CAPN2: variants seen among roughly 807,000 people sequenced by gnomAD.
CAPN2 encodes calpain-2 catalytic subunit.
A neutral mutation model predicts 102.3 loss-of-function variants in CAPN2; 92 were observed. That is an observed-to-expected ratio of 0.90 (90% CI 0.76 to 1.07). The LOEUF (loss-of-function observed/expected upper bound fraction) is 1.07. CAPN2 is among the 50% of genes least tolerant of loss of function. The pLI is 0.00. For synonymous variants in CAPN2, 340 were observed against 355.4 expected (o/e 0.96, Z 0.49); for missense variants, 800 against 909.4 (o/e 0.88, Z 1.55).
At chr1:223,729,585 AAAGGCGGGACAACTTG>A (rs1446210595) in intron 2 of CAPN2, among the ~76,000 whole-genome samples, 1 of 152,204 alleles carries the variant, frequency 6.6e-6, no homozygotes, top group Non-Finnish European at 1.5e-5. Flanking sequence ...ATCAATCCAG[AAAGGCGGGACAACTTG>A]AAGTGGATGG....
chr1:223,723,141 C>A (rs1205264161), intron 2 of CAPN2, among the ~76,000 whole-genome samples: 1 of 152,008 alleles, frequency 6.6e-6, no homozygotes, highest in African/African-American at 2.4e-5. Flanking sequence ...GGCAACATAG[C>A]AAAACTCTGT....
At position 223,749,095 on chromosome 1, in the gene CAPN2, C is replaced by A. The variant is rs1185137540; in HGVS notation, c.786C>A (p.His262Gln). The A allele has an allele frequency of 6.2e-7, 1 of 1,614,110 alleles. No homozygotes were observed. Among genetic ancestry groups the A allele is most frequent in the Admixed American group, 1.7e-5 (1 of 60,030 alleles). The change falls in exon 6 of 21, where the codon CAC (histidine) becomes CAA (glutamine). Residue 262 changes from histidine to glutamine, a missense_variant. His to Gln is a conservative substitution (Grantham distance 24, BLOSUM62 0). Transcript: ENST00000295006. The part of the protein sequence containing the change: ...AITFQKLVKG[H>Q]AYSVTGAEEV... ...CGTTTCAGAAGCTGGTGAAGGGGCACGCGTACTCGGTCACCGGAGCCGAGG... is the reference window on the plus strand; with the variant it reads ...CGTTTCAGAAGCTGGTGAAGGGGCAAGCGTACTCGGTCACCGGAGCCGAGG...
Position 223,759,494 on chromosome 1 carries a change from GTCCC to G in CAPN2, c.1529+15_1529+18del. The G allele has an allele frequency of 3.1e-6, 5 of 1,611,392 alleles. No homozygotes were observed. Among genetic ancestry groups the G allele is most frequent in the Non-Finnish European group, 4.2e-6 (5 of 1,178,180 alleles). On this transcript the variant is annotated intron_variant, in intron 12 of 20. Coordinates refer to ENST00000295006, the MANE Select transcript of CAPN2 (RefSeq NM_001748.5). This position sits in a 1 kb window ranked among gnomAD's most constrained non-coding sequence, Gnocchi z 4.6. The stretch of plus-strand genomic sequence containing the variant: ...AAGCTGACTACCAGTAGGCGGTTTG[GTCCC>G]TTCCTCTCCCCACCCTTCCCTGTCC...
intron 16 of CAPN2, among the ~76,000 whole-genome samples, chr1:223,768,179 A>C (rs1424087724): frequency 1.3e-5 from 2 of 150,028 alleles, no homozygotes; most frequent in African/African-American, 2.5e-5. Context: ...TGCTGTGCAG[A>C]AGCTCTTTAG....
intron 2 of CAPN2, among the ~76,000 whole-genome samples, chr1:223,735,719 G>A (rs529797543): frequency 1.4e-4 from 22 of 152,100 alleles, no homozygotes; most frequent in Non-Finnish European, 2.6e-4. Flanking sequence ...GCCCAGCAGC[G>A]AGGGGGACAG....
Position 223,771,897 on chromosome 1 carries a change from G to A in CAPN2, c.1992G>A (p.Arg664=), listed in dbSNP as rs367730701. 36 of 1,613,692 alleles carry A rather than the reference G, an allele frequency of 2.2e-5. No individual in the cohort carries two copies. The highest frequency in any genetic ancestry group is 2.8e-5 in the Non-Finnish European group (33 of 1,179,712). Residue 664 remains arginine (R), a synonymous_variant, in exon 19 of 21, where the codon CGG becomes CGA. Transcript: ENST00000295006. ...QLIIDFDNFV[R]CLVRLETLFK... is the part of the protein sequence containing the mutation. ...TCATCGATTTTGATAATTTTGTTCG[G>A]TGTTTGGTTCGGCTGGAAACGCTAT...
In CAPN2 at chr1:223,752,021, C is replaced by G; in HGVS notation, c.924C>G (p.Asp308Glu). ...NDNCPSWNTIDPEERERLTRR... is the reference protein window; with the variant it reads ...NDNCPSWNTIEPEERERLTRR... ...GCTGCCCAAGCTGGAACACTATAGA[C>G]CCAGAGGAGAGGGAAAGGCTGACCA... Residue 308 changes from aspartate (D) to glutamate (E), a missense_variant, in exon 8 of 21, where the codon GAC (aspartate) becomes GAG (glutamate). Physicochemically the swap from Asp to Glu is conservative, Grantham distance 45 (BLOSUM62 2). Coordinates refer to ENST00000295006, the MANE Select transcript of CAPN2 (RefSeq NM_001748.5). 6.2e-7 allele frequency: 1 copy of G among 1,612,672 alleles called. No homozygotes were observed. The highest frequency in any genetic ancestry group is 2.2e-5 in the East Asian group (1 of 44,796).
In CAPN2 at chr1:223,719,797, G is replaced by GGT. The variant is rs377365157; in HGVS notation, c.307+1972_307+1973dup. On this transcript the variant is annotated intron_variant, in intron 2 of 20. Coordinates refer to ENST00000295006, the MANE Select transcript of CAPN2 (RefSeq NM_001748.5). ...AGTAGCTAGTCTGTAATTTCTCAGG[G>GGT]GTGTGTGCGTGTGTGTGTGTGTGTG... Among the ~76,000 whole-genome samples, 4 of 126,668 alleles carry GGT rather than the reference G, an allele frequency of 3.2e-5. No homozygotes were observed. The East Asian group carries it at 7.0e-4, about 22-fold the overall frequency. The allele number at this position is 126,668 out of a possible 152,430, so 83.1% of individuals were successfully genotyped here. A position where few individuals can be genotyped will look rare whatever the true frequency, so the allele number is the denominator to read the frequency against.
intron 17 of CAPN2, 70 bp downstream of exon 17, chr1:223,769,979 A>G: frequency 8.6e-7 from 1 of 1,163,542 alleles, no homozygotes. Context: ...AGATGCAGCA[A>G]CTCCTGCACA....
chr1:223,765,564 C>T (rs758996516), intron 15 of CAPN2, among the ~76,000 whole-genome samples: 2 of 152,216 alleles, frequency 1.3e-5, no homozygotes, highest in Non-Finnish European at 2.9e-5. Flanking sequence ...GGATTCAGCC[C>T]GCTCCTTGCT....
Position 223,770,526 on chromosome 1 carries a change from G to A in CAPN2, c.1903+1G>A. The A allele has an allele frequency of 6.2e-7, 1 of 1,607,668 alleles. No homozygotes were observed. Among genetic ancestry groups the A allele is most frequent in the South Asian group, 1.1e-5 (1 of 90,884 alleles). Reference sequence around the variant, plus strand: ...ATGCGGAAGGCATTAGAAGAAGCAGGTAACCCTTTATAACTGCATTTTCGT... The same window carrying A: ...ATGCGGAAGGCATTAGAAGAAGCAGATAACCCTTTATAACTGCATTTTCGT... On this transcript the variant is annotated splice_donor_variant, in intron 18 of 20. Coordinates refer to ENST00000295006, the MANE Select transcript of CAPN2 (RefSeq NM_001748.5). LOFTEE classifies it high-confidence loss of function.
intron 2 of CAPN2, among the ~76,000 whole-genome samples, chr1:223,735,252 G>T (rs1440474286): frequency 6.6e-6 from 1 of 152,198 alleles, no homozygotes; most frequent in Non-Finnish European, 1.5e-5. Flanking sequence ...CTCTGGCTGG[G>T]CGCAGTGGCT....
chr1:223,771,211 C>G (rs1661461119), intron 18 of CAPN2: 1 of 153,256 alleles, frequency 6.5e-6, no homozygotes, highest in African/African-American at 2.4e-5. Flanking sequence ...CTGGGACAGC[C>G]TGCCACCACA....
Position 223,766,227 on chromosome 1 carries a change from C to A in CAPN2, c.1691-140C>A. ...ACTGTCCCAGTCTGGTAGTCACTAGCCACATGTGGCTATTTAATATAATGG... is the reference window on the plus strand; with the variant it reads ...ACTGTCCCAGTCTGGTAGTCACTAGACACATGTGGCTATTTAATATAATGG... On this transcript the variant is annotated intron_variant, in intron 15 of 20. Transcript: ENST00000295006. 3 of 662,718 alleles carry A rather than the reference C, an allele frequency of 4.5e-6. No individual in the cohort carries two copies. The East Asian group carries it at 8.1e-5, about 18-fold the overall frequency. 41.1% of individuals were successfully genotyped at this position (662,718 alleles called of 1,614,324 possible). A position where few individuals can be genotyped will look rare whatever the true frequency, so the allele number is the denominator to read the frequency against.
intron 1 of CAPN2, among the ~76,000 whole-genome samples, chr1:223,704,026 C>G (rs1010960485): frequency 6.6e-6 from 1 of 151,992 alleles, no homozygotes; most frequent in African/African-American, 2.4e-5. Flanking sequence ...CGTGGTGGCT[C>G]ACACCTGTAA....
chr1:223,752,836 G>A lies in CAPN2; in HGVS notation c.1015G>A (p.Glu339Lys). The A allele has an allele frequency of 6.2e-7, 1 of 1,614,118 alleles. No homozygotes were observed. Among genetic ancestry groups the A allele is most frequent in the Non-Finnish European group, 8.5e-7 (1 of 1,180,028 alleles). Residue 339 changes from glutamate to lysine, a missense_variant, in exon 9 of 21, where the codon GAG (glutamate) becomes AAG (lysine). Transcript: ENST00000295006. ...CTTCCTGAGGCACTATTCCCGCCTG[G>A]AGATCTGTAACCTGACCCCAGACAC... ...SDFLRHYSRL[E>K]ICNLTPDTLT... is the part of the protein sequence containing the mutation.
At chr1:223,738,691 C>T (rs1182353465) in intron 2 of CAPN2, among the ~76,000 whole-genome samples, 2 of 152,218 alleles carry the variant, frequency 1.3e-5, no homozygotes, top group African/African-American at 4.8e-5. Context: ...CAGAGAAGCC[C>T]TGCACACTGT....
At position 223,726,321 on chromosome 1, in the gene CAPN2, C is replaced by T. The variant is rs1336382242; in HGVS notation, c.307+8490C>T. ...GGGAGGAAGAGGGTGGGTTTGCCTG[C>T]GCCTGGGGGGAGGGCAGCCATCAGG... is the stretch of plus-strand genomic sequence containing the variant. On this transcript the variant is annotated intron_variant, in intron 2 of 20. Transcript: ENST00000295006. This position sits in a 1 kb window ranked among gnomAD's most constrained non-coding sequence, Gnocchi z 4.4. Among the ~76,000 whole-genome samples the T allele has an allele frequency of 6.6e-6, 1 of 151,976 alleles. No individual in the cohort carries two copies. The highest frequency in any genetic ancestry group is 2.4e-5 in the African/African-American group (1 of 41,332).
intron 12 of CAPN2, among the ~76,000 whole-genome samples, chr1:223,760,336 C>T (rs1173238401): frequency 6.6e-6 from 1 of 152,156 alleles, no homozygotes; most frequent in Admixed American, 6.5e-5. Context: ...AGCCACCTGG[C>T]CTGCTGGTTC....
Sources: gnomAD v4.1 joint callset for allele counts (sites outside exome capture counted in the v4.1 genomes callset) on GRCh38, gnomAD v4.1.1 for gene constraint, Gnocchi (gnomAD v3.1) non-coding constraint, MANE v1.5 for transcripts, NCBI Gene and HGNC (gene_info 2026-07-23, HGNC 2026-07-21) for gene names.